FSTL5: variants seen among roughly 807,000 people sequenced by gnomAD.
The protein encoded by FSTL5 is follistatin-related protein 5.
In FSTL5, 62 loss-of-function variants were observed where a neutral mutation model predicts 89.1. That is an observed-to-expected ratio of 0.70 (90% CI 0.57 to 0.86). The LOEUF (loss-of-function observed/expected upper bound fraction) is 0.86. FSTL5 is among the 40% of genes least tolerant of loss of function. The pLI is 0.00. For synonymous variants in FSTL5, 383 were observed against 346.2 expected (o/e 1.11, Z -1.18); for missense variants, 1,057 against 1,001.6 (o/e 1.06, Z -0.75).
intron 1 of FSTL5, among the ~76,000 whole-genome samples, chr4:162,149,832 T>G (rs1273409449): frequency 6.6e-6 from 1 of 152,164 alleles, no homozygotes; most frequent in Non-Finnish European, 1.5e-5. Context: ...TAACTCAGTT[T>G]CAATACTACG....
At chr4:162,115,232 TTA>T in intron 1 of FSTL5, among the ~76,000 whole-genome samples, 1 of 152,310 alleles carries the variant, frequency 6.6e-6, no homozygotes, top group South Asian at 2.1e-4. Context: ...ATGAATCCAA[TTA>T]TATAGTTATC....
At chr4:162,099,153 A>G (rs1235622468) in intron 2 of FSTL5, among the ~76,000 whole-genome samples, 1 of 152,266 alleles carries the variant, frequency 6.6e-6, no homozygotes, top group African/African-American at 2.4e-5. Context: ...TTTGTGTAGT[A>G]GCATTCTAAA....
intron 8 of FSTL5, among the ~76,000 whole-genome samples, chr4:161,565,742 GACACACACACAC>G (rs145835055): frequency 6.0e-4 from 80 of 133,664 alleles, no homozygotes; most frequent in African/African-American, 1.9e-3. Context: ...TATAACTTGA[GACACACACACAC>G]ACACACACAC....
intron 2 of FSTL5, among the ~76,000 whole-genome samples, chr4:162,078,784 C>T (rs986894511): frequency 6.6e-6 from 1 of 151,674 alleles, no homozygotes; most frequent in African/African-American, 2.4e-5. Flanking sequence ...TCAAGGGAAC[C>T]AAGTCACAGG....
intron 4 of FSTL5, among the ~76,000 whole-genome samples, chr4:161,891,900 T>A (rs1308545914): frequency 6.6e-6 from 1 of 152,072 alleles, no homozygotes; most frequent in African/African-American, 2.4e-5. Context: ...CCTACTCATT[T>A]TCTTCACAAC....
At chr4:161,948,122 TA>T (rs113818567) in intron 3 of FSTL5, among the ~76,000 whole-genome samples, 15,722 of 147,918 alleles carry the variant, frequency 0.11, 882 homozygotes, top group East Asian at 0.2. Flanking sequence ...ACAGAAAATT[TA>T]AAAAAAAAAA....
intron 4 of FSTL5, among the ~76,000 whole-genome samples, chr4:161,842,716 ATAT>A (rs1307058463): frequency 2.0e-5 from 3 of 152,182 alleles, no homozygotes; most frequent in African/African-American, 7.2e-5. Flanking sequence ...TGGCTTCTTA[ATAT>A]TATATCATAT....
intron 12 of FSTL5, among the ~76,000 whole-genome samples, chr4:161,484,155 G>T (rs977825364): frequency 6.6e-6 from 1 of 152,062 alleles, no homozygotes; most frequent in Non-Finnish European, 1.5e-5. Context: ...CTTCTACTAG[G>T]ATGTTGCCAT....
At chr4:161,726,623 T>G (rs1739428372) in intron 6 of FSTL5, among the ~76,000 whole-genome samples, 1 of 151,860 alleles carries the variant, frequency 6.6e-6, no homozygotes, top group Admixed American at 6.6e-5. Context: ...TTTACAGGGG[T>G]TTTAACTGTA....
chr4:162,028,691 T>C (rs2111182384), intron 3 of FSTL5, among the ~76,000 whole-genome samples: 1 of 152,364 alleles, frequency 6.6e-6, no homozygotes, highest in African/African-American at 2.4e-5. Flanking sequence ...CTACTGGCTA[T>C]ATTGTATTTT....
chr4:161,914,113 C>T (rs1733774084), intron 4 of FSTL5, among the ~76,000 whole-genome samples: 2 of 152,082 alleles, frequency 1.3e-5, no homozygotes, highest in Non-Finnish European at 2.9e-5. Flanking sequence ...CCCAGAATTC[C>T]ACGTGCTGTG....
At chr4:161,773,254 T>A (rs1225959763) in intron 5 of FSTL5, among the ~76,000 whole-genome samples, 2 of 151,988 alleles carry the variant, frequency 1.3e-5, no homozygotes, top group South Asian at 2.1e-4. Flanking sequence ...GAAGATAACA[T>A]CAGAAAAACC....
At chr4:161,489,836 CA>C (rs561126512) in intron 12 of FSTL5, among the ~76,000 whole-genome samples, 4 of 152,126 alleles carry the variant, frequency 2.6e-5, no homozygotes, top group Non-Finnish European at 5.9e-5. Context: ...TCAACCTTTT[CA>C]TTAAACTTTG....
intron 4 of FSTL5, among the ~76,000 whole-genome samples, chr4:161,831,303 A>T (rs1033630881): frequency 6.6e-6 from 1 of 151,866 alleles, no homozygotes; most frequent in African/African-American, 2.4e-5. Flanking sequence ...ATAATATAAA[A>T]TTTTCTTTGG....
intron 3 of FSTL5, among the ~76,000 whole-genome samples, chr4:161,937,194 T>C (rs1423655805): frequency 1.3e-5 from 2 of 151,842 alleles, no homozygotes; most frequent in Admixed American, 6.6e-5. Flanking sequence ...AGAAATGAGA[T>C]AATAGCCAAT....
intron 8 of FSTL5, among the ~76,000 whole-genome samples, chr4:161,583,828 C>G (rs1227682323): frequency 6.6e-6 from 1 of 152,156 alleles, no homozygotes; most frequent in African/African-American, 2.4e-5. Flanking sequence ...ATCTTCCTCT[C>G]TAGTACCTCA....
At chr4:161,390,511 G>A (rs1730786857) in intron 15 of FSTL5, among the ~76,000 whole-genome samples, 1 of 152,066 alleles carries the variant, frequency 6.6e-6, no homozygotes, top group Admixed American at 6.6e-5. Context: ...TTGAGTAATG[G>A]ATGGTTTCCC....
intron 2 of FSTL5, among the ~76,000 whole-genome samples, chr4:162,054,924 A>AT (rs539489077): frequency 4.6e-5 from 7 of 151,756 alleles, no homozygotes; most frequent in South Asian, 2.1e-4. Context: ...ATAAGAAATC[A>AT]TTTTTTCCTT....
intron 3 of FSTL5, among the ~76,000 whole-genome samples, chr4:162,020,578 G>A (rs893513674): frequency 3.9e-5 from 6 of 152,010 alleles, no homozygotes; most frequent in African/African-American, 1.4e-4. Flanking sequence ...AGAGAAAATG[G>A]AGTCTTAGAC....
Sources: gnomAD v4.1 joint callset for allele counts (sites outside exome capture counted in the v4.1 genomes callset) on GRCh38, gnomAD v4.1.1 for gene constraint, MANE v1.5 for transcripts, NCBI Gene and HGNC (gene_info 2026-07-23, HGNC 2026-07-21) for gene names.